Variants in MCC observed in about 807,000 individuals in gnomAD.
MCC encodes MCC regulator of Wnt signaling pathway.
A neutral mutation model predicts 116.2 loss-of-function variants in MCC; 90 were observed. The observed-to-expected ratio is 0.77, with a 90% CI of 0.65 to 0.92. MCC has a LOEUF of 0.92. Among genes scored for constraint, MCC ranks in the 40% least tolerant of loss-of-function variants. The pLI is 0.00. For synonymous variants in MCC, 578 were observed against 510.5 expected, an observed-to-expected ratio of 1.13 and a Z score of -1.78; for missense variants, 1,516 against 1,312.2, an observed-to-expected ratio of 1.16 and a Z score of -2.40.
At chr5:113,276,804 TA>T (rs1162188409) in intron 3 of MCC, among the ~76,000 whole-genome samples, 6 of 137,118 alleles carry the variant, frequency 4.4e-5, no homozygotes, top group Admixed American at 1.6e-4. Flanking sequence ...TTTTTCTTCT[TA>T]TTTTTTTTTT....
chr5:113,122,359 T>C (rs1757784252), intron 6 of MCC, among the ~76,000 whole-genome samples: 1 of 151,918 alleles, frequency 6.6e-6, no homozygotes, highest in Non-Finnish European at 1.5e-5. Flanking sequence ...TTGGCCCCCA[T>C]CCCATCCCTT....
chr5:113,205,670 T>C (rs1762884436), intron 3 of MCC, among the ~76,000 whole-genome samples: 1 of 152,222 alleles, frequency 6.6e-6, no homozygotes, highest in African/African-American at 2.4e-5. Flanking sequence ...TGAAAGAAAG[T>C]CTTAAAGAGT....
intron 3 of MCC, among the ~76,000 whole-genome samples, chr5:113,328,295 T>C (rs1767616402): frequency 6.6e-6 from 1 of 152,186 alleles, no homozygotes. Context: ...CAGTTATTCA[T>C]AGGAATAATC....
chr5:113,487,582 C>T lies in MCC; in HGVS notation c.170+663G>A, dbSNP rs372668377. ...AGGCGCGGAGGCGCCCGGAGCCACG[C>T]CGAAGCTCACCTGGTCAGCGCACAG... is the stretch of plus-strand genomic sequence containing the variant. On this transcript the variant is annotated intron_variant, in intron 1 of 18. Transcript: ENST00000408903. Among the ~76,000 whole-genome samples the T allele has an allele frequency of 1.5e-4, 23 of 152,356 alleles. No homozygotes were observed. The East Asian group carries it at 3.7e-3, about 24-fold the overall frequency.
At chr5:113,349,094 A>G (rs772936540) in intron 2 of MCC, among the ~76,000 whole-genome samples, 6 of 152,106 alleles carry the variant, frequency 3.9e-5, no homozygotes, top group Non-Finnish European at 7.4e-5. Context: ...CTGGGACCCA[A>G]TGGCTTCACT....
At chr5:113,448,103 A>G (rs1051584892) in intron 1 of MCC, 5 of 152,250 alleles carry the variant, frequency 3.3e-5, no homozygotes, top group Non-Finnish European at 5.9e-5. Flanking sequence ...AAAACACATA[A>G]CGCACATTAA....
intron 11 of MCC, among the ~76,000 whole-genome samples, chr5:113,080,614 G>A (rs1395706736): frequency 2.0e-5 from 3 of 152,094 alleles, no homozygotes; most frequent in Non-Finnish European, 4.4e-5. Context: ...GAGAACACCT[G>A]GACACACGGT....
intron 2 of MCC, among the ~76,000 whole-genome samples, chr5:113,379,522 AG>A (rs1381173603): frequency 6.6e-6 from 1 of 152,212 alleles, no homozygotes; most frequent in African/African-American, 2.4e-5. Flanking sequence ...ACTTAGCCTA[AG>A]TTCCATGGCA....
chr5:113,216,655 TA>T (rs1763328785), intron 3 of MCC, among the ~76,000 whole-genome samples: 1 of 152,234 alleles, frequency 6.6e-6, no homozygotes, highest in Non-Finnish European at 1.5e-5. Flanking sequence ...TGACTATATT[TA>T]AAGGCTCAGC....
At chr5:113,081,881 G>C (rs1754880740) in intron 11 of MCC, among the ~76,000 whole-genome samples, 1 of 152,246 alleles carries the variant, frequency 6.6e-6, no homozygotes, top group South Asian at 2.1e-4. Flanking sequence ...AAGAGGAATG[G>C]AATTAAGCAA....
intron 3 of MCC, among the ~76,000 whole-genome samples, chr5:113,299,441 T>TA (rs1766802160): frequency 6.6e-6 from 1 of 151,948 alleles, no homozygotes; most frequent in Admixed American, 6.6e-5. Context: ...TTAAATGTCT[T>TA]ACGATTTTTT....
chr5:113,282,445 A>C (rs1766084039), intron 3 of MCC, among the ~76,000 whole-genome samples: 1 of 152,188 alleles, frequency 6.6e-6, no homozygotes, highest in African/African-American at 2.4e-5. Flanking sequence ...CAAAATGAGA[A>C]ACAGTTTTGG....
chr5:113,374,180 C>G (rs13185592), intron 2 of MCC, among the ~76,000 whole-genome samples: 40,889 of 151,246 alleles, frequency 0.27, 7,453 homozygotes, highest in African/African-American at 0.52. Context: ...GCGTGAGCCA[C>G]GGTGCCCAGC....
At position 113,340,597 on chromosome 5, in the gene MCC, A is replaced by G. The variant is rs763016050; in HGVS notation, c.549T>C (p.Ala183=). 5.6e-6 allele frequency: 9 copies of G among 1,614,082 alleles called. No homozygotes were observed. Among genetic ancestry groups the G allele is most frequent in the Non-Finnish European group, 7.6e-6 (9 of 1,180,044 alleles). Residue 183 remains alanine, a synonymous_variant, in exon 3 of 19, where the codon GCT becomes GCC. Coordinates refer to ENST00000408903, the MANE Select transcript of MCC (RefSeq NM_001085377.2). ...ACTGTGTGAGCAGTTTGTGGAGAGC[A>G]GCCTGCTGATGCAAAGAGCTTCCGC... The part of the protein sequence containing the change: ...EYGGSSLHQQ[A]ALHKLLTQSP...
chr5:113,144,796 C>G (rs1162695382), intron 4 of MCC, among the ~76,000 whole-genome samples: 2 of 152,180 alleles, frequency 1.3e-5, no homozygotes, highest in Admixed American at 6.5e-5. Flanking sequence ...TTATCACAGC[C>G]TTAGAGGGAT....
chr5:113,341,027 C>G (rs1767997756), intron 2 of MCC, among the ~76,000 whole-genome samples: 1 of 152,142 alleles, frequency 6.6e-6, no homozygotes, highest in African/African-American at 2.4e-5. Context: ...GAATCCAGAT[C>G]AGAGTCACAT....
intron 3 of MCC, among the ~76,000 whole-genome samples, chr5:113,307,550 T>C (rs774885938): frequency 6.6e-5 from 10 of 152,246 alleles, no homozygotes; most frequent in African/African-American, 1.2e-4. Context: ...GGTGTATTTC[T>C]TGGAATTTTC....
At chr5:113,170,943 A>T (rs1182634522) in intron 3 of MCC, among the ~76,000 whole-genome samples, 1 of 152,094 alleles carries the variant, frequency 6.6e-6, no homozygotes, top group African/African-American at 2.4e-5. Context: ...GGCGTTCTGC[A>T]TCCAGAACTG....
chr5:113,149,442 A>C (rs1759719779), intron 4 of MCC, among the ~76,000 whole-genome samples: 1 of 152,140 alleles, frequency 6.6e-6, no homozygotes, highest in South Asian at 2.1e-4. Context: ...TACTATGAAA[A>C]TAGTATTAAC....
Sources: gnomAD v4.1 joint callset for allele counts (sites outside exome capture counted in the v4.1 genomes callset) on GRCh38, gnomAD v4.1.1 for gene constraint, MANE v1.5 for transcripts, NCBI Gene and HGNC (gene_info 2026-07-23, HGNC 2026-07-21) for gene names.